The following DAPP1 variants were observed in gnomAD, a reference collection of about 807,000 sequenced individuals.
DAPP1 encodes dual adapter for phosphotyrosine and 3-phosphotyrosine and 3-phosphoinositide.
In DAPP1, 20 loss-of-function variants were observed where a neutral mutation model predicts 41.5. The ratio of observed to expected loss-of-function variants is 0.48; its 90% CI spans 0.34 to 0.70. The LOEUF (loss-of-function observed/expected upper bound fraction) is 0.70, where lower values mean the gene tolerates loss of function less well. Among genes scored for constraint, DAPP1 ranks in the 30% least tolerant of loss-of-function variants. DAPP1 has a pLI of 0.01. For synonymous variants in DAPP1, 113 were observed against 116.2 expected (o/e 0.97, Z 0.18); for missense variants, 233 against 333.4 (o/e 0.70, Z 2.35).
Position 99,834,149 on chromosome 4 carries a change from T to C in DAPP1, c.102-1474T>C, listed in dbSNP as rs144431022. Reference sequence around the variant, plus strand: ...TTAAAAGAATGTGAATGACCTGTTATTGGAGAAAAGAAAGATGGTGCAGAG... The same window carrying C: ...TTAAAAGAATGTGAATGACCTGTTACTGGAGAAAAGAAAGATGGTGCAGAG... On this transcript the variant is annotated intron_variant, in intron 1 of 8. Transcript: ENST00000512369. Among the ~76,000 whole-genome samples the C allele has an allele frequency of 4.2e-4, 64 of 152,290 alleles. No homozygotes were observed. In the East Asian group the frequency reaches 0.011, roughly 25 times the overall value.
At chr4:99,828,395 G>A (rs556694189) in intron 1 of DAPP1, among the ~76,000 whole-genome samples, 1 of 152,166 alleles carries the variant, frequency 6.6e-6, no homozygotes, top group Admixed American at 6.5e-5. Context: ...TGTGACATAT[G>A]TATGTTTATA....
intron 4 of DAPP1, among the ~76,000 whole-genome samples, chr4:99,854,315 G>C (rs935140396): frequency 6.6e-6 from 1 of 151,844 alleles, no homozygotes; most frequent in Non-Finnish European, 1.5e-5. Flanking sequence ...GAATACTCCT[G>C]GTATAAGAAA....
intron 8 of DAPP1, chr4:99,866,756 CT>C (rs1020648728): frequency 1.8e-5 from 8 of 456,406 alleles, no homozygotes; most frequent in South Asian, 1.3e-4. Context: ...TTGATGATTT[CT>C]TTTTTTCTAT....
intron 8 of DAPP1, chr4:99,866,552 T>C (rs758055025): frequency 1.4e-5 from 11 of 766,130 alleles, no homozygotes; most frequent in Non-Finnish European, 2.6e-5. Context: ...CATCACTTTG[T>C]GCAGGTCAAG....
downstream of DAPP1, among the ~76,000 whole-genome samples, chr4:99,871,324 T>C (rs1578198043): frequency 2.6e-5 from 4 of 152,316 alleles, no homozygotes; most frequent in East Asian, 7.7e-4. Context: ...AGGCTGAGCC[T>C]ACGGTCTGCT....
In DAPP1 at chr4:99,860,666, GA is replaced by G. The variant is rs1186222754; in HGVS notation, c.490-905del. ...TATTTGGTTGGGAAAATTCACCTTG[GA>G]AAAAAATATTCTGGAAATTACCATA... On this transcript the variant is annotated intron_variant, in intron 4 of 8. Coordinates refer to ENST00000512369, the MANE Select transcript of DAPP1 (RefSeq NM_014395.3). Among the ~76,000 whole-genome samples the G allele has an allele frequency of 3.3e-5, 5 of 151,978 alleles. No individual in the cohort carries two copies. The South Asian group carries it at 8.3e-4, about 25-fold the overall frequency.
chr4:99,841,934 C>T (rs1436497953), intron 3 of DAPP1, among the ~76,000 whole-genome samples: 1 of 152,194 alleles, frequency 6.6e-6, no homozygotes, highest in Admixed American at 6.5e-5. Flanking sequence ...TTCTCCTAGA[C>T]TCTATTTTCA....
rs998487616 is a variant in DAPP1, at chr4:99,828,649, G to T, written c.102-6974G>T. On this transcript the variant is annotated intron_variant, in intron 1 of 8. Coordinates refer to ENST00000512369, the MANE Select transcript of DAPP1 (RefSeq NM_014395.3). ...AGCTGAACCGAGGACCAGCTTTCTG[G>T]ATCCAGCCTGTCCACATTCTCTGTG... 4.6e-5 allele frequency among the ~76,000 whole-genome samples: 7 copies of T among 152,192 alleles called. 1 individual carries two copies. Among genetic ancestry groups the T allele is most frequent in the Admixed American group, 3.9e-4 (6 of 15,284 alleles).
Position 99,835,604 on chromosome 4 carries a change from G to T in DAPP1, c.102-19G>T. 3 of 1,610,732 alleles carry T rather than the reference G, an allele frequency of 1.9e-6. No individual in the cohort carries two copies. Among genetic ancestry groups the T allele is most frequent in the Non-Finnish European group, 2.5e-6 (3 of 1,179,362 alleles). On this transcript the variant is annotated intron_variant, in intron 1 of 8. Transcript: ENST00000512369. ...GCCATGGTTTGGCCTGAGTGAAAGC[G>T]CTGTTCCCTCCTTTCTAGGTGGTAT...
chr4:99,848,309 C>T (rs2110154033), intron 3 of DAPP1, among the ~76,000 whole-genome samples: 2 of 150,752 alleles, frequency 1.3e-5, no homozygotes, highest in South Asian at 4.2e-4. Flanking sequence ...CTCACTGCAA[C>T]CTCCGCCTCC....
downstream of DAPP1, among the ~76,000 whole-genome samples, chr4:99,870,450 G>A (rs1724606142): frequency 6.6e-6 from 1 of 152,138 alleles, no homozygotes; most frequent in African/African-American, 2.4e-5. Context: ...TTCAGCAGGG[G>A]ATACAACAAT....
intron 3 of DAPP1, chr4:99,844,845 GTTTTGTGA>G (rs1723613232): frequency 2.0e-5 from 3 of 152,070 alleles, no homozygotes; most frequent in African/African-American, 7.2e-5. Context: ...TTATTATTTT[GTTTTGTGA>G]CACCACCCAG....
At chr4:99,839,280 T>C (rs1460311574) in intron 2 of DAPP1, among the ~76,000 whole-genome samples, 1 of 151,808 alleles carries the variant, frequency 6.6e-6, no homozygotes, top group Non-Finnish European at 1.5e-5. Context: ...TAGCATGGGC[T>C]GCACTGAGAG....
intron 1 of DAPP1, among the ~76,000 whole-genome samples, chr4:99,828,128 T>C (rs192403529): frequency 2.6e-5 from 4 of 152,354 alleles, no homozygotes; most frequent in Admixed American, 2.6e-4. Context: ...CTATAGAGTT[T>C]AGAAATTATT....
intron 1 of DAPP1, among the ~76,000 whole-genome samples, chr4:99,822,795 A>T (rs938126125): frequency 6.6e-6 from 1 of 152,142 alleles, no homozygotes; most frequent in African/African-American, 2.4e-5. Flanking sequence ...TCTGGCTCCT[A>T]CCAACTCCCG....
At chr4:99,847,406 C>G (rs1723702751) in intron 3 of DAPP1, among the ~76,000 whole-genome samples, 1 of 138,414 alleles carries the variant, frequency 7.2e-6, no homozygotes, top group African/African-American at 2.9e-5. Flanking sequence ...ATATATGTAA[C>G]TCTTACACAT....
intron 4 of DAPP1, among the ~76,000 whole-genome samples, chr4:99,853,628 C>T (rs1414324022): frequency 6.6e-6 from 1 of 152,102 alleles, no homozygotes; most frequent in African/African-American, 2.4e-5. Flanking sequence ...TGGAGACCAG[C>T]CTGGGCAACA....
At chr4:99,828,199 T>C (rs1439147459) in intron 1 of DAPP1, among the ~76,000 whole-genome samples, 1 of 152,238 alleles carries the variant, frequency 6.6e-6, no homozygotes, top group Non-Finnish European at 1.5e-5. Flanking sequence ...TGTTGGTCCA[T>C]ACTTTAAGTA....
At chr4:99,819,476 A>G (rs1722695641) in intron 1 of DAPP1, among the ~76,000 whole-genome samples, 1 of 152,180 alleles carries the variant, frequency 6.6e-6, no homozygotes, top group South Asian at 2.1e-4. Flanking sequence ...TACATTTTTT[A>G]TAGATAACAA....
Sources: gnomAD v4.1 joint callset for allele counts (sites outside exome capture counted in the v4.1 genomes callset) on GRCh38, gnomAD v4.1.1 for gene constraint, MANE v1.5 for transcripts, NCBI Gene and HGNC (gene_info 2026-07-23, HGNC 2026-07-21) for gene names.